The following DNER variants were observed in gnomAD, a reference collection of about 807,000 sequenced individuals.
DNER encodes delta/notch like EGF repeat containing.
DNER carries 33 observed loss-of-function variants against 78.2 expected under a neutral mutation model. The ratio of observed to expected loss-of-function variants is 0.42; its 90% CI spans 0.32 to 0.56. DNER has a LOEUF of 0.56. Among genes scored for constraint, DNER ranks in the 20% least tolerant of loss-of-function variants. The pLI, the probability that DNER is intolerant of heterozygous loss-of-function variation, is 0.11. For missense variants in DNER, 918 were observed against 975.3 expected (o/e 0.94, Z 0.78); for synonymous variants, 417 against 384.8 (o/e 1.08, Z -0.98).
intron 5 of DNER, among the ~76,000 whole-genome samples, chr2:229,534,944 T>C (rs1395722787): frequency 6.6e-6 from 1 of 152,124 alleles, no homozygotes; most frequent in Admixed American, 6.5e-5. Context: ...CAAGCAATTC[T>C]CCTGACTCAG....
At chr2:229,555,043 G>A (rs145625337) in intron 4 of DNER, among the ~76,000 whole-genome samples, 321 of 151,914 alleles carry the variant, frequency 2.1e-3, no homozygotes, top group Non-Finnish European at 4.0e-3. Flanking sequence ...GGGCAACAAG[G>A]TCATGATAGG....
intron 1 of DNER, among the ~76,000 whole-genome samples, chr2:229,638,173 C>G (rs1698558411): frequency 6.6e-6 from 1 of 152,144 alleles, no homozygotes; most frequent in South Asian, 2.1e-4. Flanking sequence ...AGTCACAATC[C>G]TAGCAGGCTT....
At chr2:229,662,966 C>A (rs1316689614) in intron 1 of DNER, among the ~76,000 whole-genome samples, 1 of 152,212 alleles carries the variant, frequency 6.6e-6, no homozygotes. Context: ...CATGAGACAG[C>A]TGGACAGTTG....
At chr2:229,704,162 C>T (rs553422263) in intron 1 of DNER, among the ~76,000 whole-genome samples, 12 of 152,316 alleles carry the variant, frequency 7.9e-5, no homozygotes, top group Middle Eastern at 3.4e-3. Flanking sequence ...TACCACTGCA[C>T]GCTTATTAGA....
chr2:229,444,317 C>T (rs376793251), intron 8 of DNER, among the ~76,000 whole-genome samples: 1 of 152,200 alleles, frequency 6.6e-6, no homozygotes. Flanking sequence ...ATTTCATGCT[C>T]TGACATATAA....
intron 6 of DNER, among the ~76,000 whole-genome samples, chr2:229,498,165 A>G (rs904436995): frequency 1.3e-5 from 2 of 152,242 alleles, no homozygotes; most frequent in African/African-American, 4.8e-5. Context: ...TAAAAGAATG[A>G]AGGGCAAAAA....
chr2:229,428,240 A>G (rs1693927210), intron 8 of DNER, among the ~76,000 whole-genome samples: 1 of 152,166 alleles, frequency 6.6e-6, no homozygotes, highest in Non-Finnish European at 1.5e-5. Flanking sequence ...GACCTGCAAG[A>G]ATCAATGTGG....
At chr2:229,425,897 C>A (rs1693866437) in intron 8 of DNER, among the ~76,000 whole-genome samples, 1 of 152,156 alleles carries the variant, frequency 6.6e-6, no homozygotes, top group African/African-American at 2.4e-5. Context: ...CACTCACTCC[C>A]CTCGTACAGA....
chr2:229,706,704 A>C (rs6761377), intron 1 of DNER, among the ~76,000 whole-genome samples: 66,442 of 151,926 alleles, frequency 0.44, 14,893 homozygotes, highest in East Asian at 0.68. Flanking sequence ...TTATCCTTGG[A>C]CACTGAAATC....
chr2:229,368,668 T>G (rs1039629630), intron 11 of DNER, among the ~76,000 whole-genome samples: 2 of 152,240 alleles, frequency 1.3e-5, no homozygotes, highest in African/African-American at 4.8e-5. Context: ...GATTTCTTAT[T>G]ATAAACTAAG....
intron 4 of DNER, among the ~76,000 whole-genome samples, chr2:229,581,884 A>G (rs73998284): frequency 7.4e-6 from 1 of 135,436 alleles, no homozygotes; most frequent in East Asian, 2.0e-4. Context: ...GTTTATTTTT[A>G]TTTATTTATT....
chr2:229,644,334 CTTTTTTTT>C (rs5839345), intron 1 of DNER, among the ~76,000 whole-genome samples: 6 of 97,530 alleles, frequency 6.2e-5, no homozygotes, highest in African/African-American at 1.3e-4. Flanking sequence ...CTTGCTTTCT[CTTTTTTTT>C]TTTTTTTTTT....
At chr2:229,443,690 T>A (rs1385095593) in intron 8 of DNER, among the ~76,000 whole-genome samples, 1 of 152,220 alleles carries the variant, frequency 6.6e-6, no homozygotes, top group East Asian at 1.9e-4. Flanking sequence ...GCTGCCATTT[T>A]ATGAAATGAG....
chr2:229,431,003 G>C (rs921186161), intron 8 of DNER, among the ~76,000 whole-genome samples: 3 of 151,990 alleles, frequency 2.0e-5, no homozygotes, highest in African/African-American at 7.2e-5. Flanking sequence ...TATAATAAAC[G>C]CACTGCTAGT....
chr2:229,585,418 C>T (rs565528273), intron 4 of DNER, among the ~76,000 whole-genome samples: 8 of 151,926 alleles, frequency 5.3e-5, no homozygotes, highest in African/African-American at 1.2e-4. Context: ...CCCAACACTT[C>T]GGGAGGCTGA....
intron 6 of DNER, among the ~76,000 whole-genome samples, chr2:229,482,212 C>T (rs1559363565): frequency 6.6e-6 from 1 of 152,230 alleles, no homozygotes; most frequent in Non-Finnish European, 1.5e-5. Flanking sequence ...ATTGTCACAA[C>T]CACATAATAC....
At chr2:229,468,198 A>C (rs1694845010) in intron 7 of DNER, among the ~76,000 whole-genome samples, 1 of 152,258 alleles carries the variant, frequency 6.6e-6, no homozygotes, top group Non-Finnish European at 1.5e-5. Flanking sequence ...GAAGGAATTC[A>C]GTTCATGGTT....
intron 1 of DNER, among the ~76,000 whole-genome samples, chr2:229,621,534 T>G (rs1698250885): frequency 6.6e-6 from 1 of 151,848 alleles, no homozygotes; most frequent in South Asian, 2.1e-4. Flanking sequence ...GCCACCTGGA[T>G]GCACCTGGCC....
intron 1 of DNER, among the ~76,000 whole-genome samples, chr2:229,628,211 C>T (rs188029501): frequency 1.7e-3 from 253 of 152,132 alleles, no homozygotes; most frequent in Admixed American, 3.2e-3. Flanking sequence ...CCGAGGTGAG[C>T]GGCAGAGGAG....
Sources: gnomAD v4.1 joint callset for allele counts (sites outside exome capture counted in the v4.1 genomes callset) on GRCh38, gnomAD v4.1.1 for gene constraint, MANE v1.5 for transcripts, NCBI Gene and HGNC (gene_info 2026-07-23, HGNC 2026-07-21) for gene names.